The following ZIC1 variants were observed in gnomAD, a reference collection of about 807,000 sequenced individuals.
ZIC1 encodes Zic family zinc finger 1, also known as zinc finger protein ZIC 1.
Under a neutral mutation model 30.9 loss-of-function variants are expected in ZIC1, and 4 were observed. That is an observed-to-expected ratio of 0.13 (90% CI 0.06 to 0.30). ZIC1 has a LOEUF of 0.30. Ranked by LOEUF, ZIC1 falls within the 10% of genes least tolerant of loss-of-function variation. ZIC1 has a pLI of 1.00. For synonymous variants in ZIC1, 305 were observed against 277.5 expected (o/e 1.10, Z -0.98); for missense variants, 441 against 639.3 (o/e 0.69, Z 3.34).
Position 147,410,524 on chromosome 3 carries a change from G to A in ZIC1, c.412G>A (p.Ala138Thr). 6.2e-7 allele frequency: 1 copy of A among 1,608,642 alleles called. No individual in the cohort carries two copies. Among genetic ancestry groups the A allele is most frequent in the Non-Finnish European group, 8.5e-7 (1 of 1,178,942 alleles). Residue 138 changes from alanine (A) to threonine (T), a missense_variant, in exon 1 of 3, where the codon GCG becomes ACG. Around this residue, in one of 5 missense-constraint regions of ZIC1, gnomAD observed 307 missense variants for 355.3 expected, o/e 0.86. Transcript: ENST00000282928. ...FGGPHGHTDAAGHLLFPGLHE... is the reference protein window; with the variant it reads ...FGGPHGHTDATGHLLFPGLHE... The stretch of plus-strand genomic sequence containing the variant: ...GGGCCCACACGGCCACACGGACGCC[G>A]CGGGCCACCTCCTCTTCCCCGGGCT...
Position 147,410,051 on chromosome 3 carries a change from C to T in ZIC1, c.-62C>T. On this transcript the variant is annotated 5_prime_UTR_variant, in exon 1 of 3. Coordinates refer to ENST00000282928, the MANE Select transcript of ZIC1 (RefSeq NM_003412.4). The stretch of plus-strand genomic sequence containing the variant: ...GTTCCTCCTCCTCCTCCCGATTTTC[C>T]CTCCTCGGCTGGCGAGGGTGGGGGG... 7.1e-7 allele frequency: 1 copy of T among 1,417,980 alleles called. No homozygotes were observed. Among genetic ancestry groups the T allele is most frequent in the South Asian group, 1.5e-5 (1 of 66,260 alleles). 87.8% of individuals were successfully genotyped at this position (1,417,980 alleles called of 1,614,324 possible).
At position 147,409,820 on chromosome 3, in the gene ZIC1, G is replaced by A. The variant is rs1401603849; in HGVS notation, c.-293G>A. 3 of 442,656 alleles carry A rather than the reference G, an allele frequency of 6.8e-6. No individual in the cohort carries two copies. Among genetic ancestry groups the A allele is most frequent in the Non-Finnish European group, 1.2e-5 (3 of 251,142 alleles). The allele number at this position is 442,656 out of a possible 1,614,324, so 27.4% of individuals were successfully genotyped here. ...GCGGCCCTCTCGGCAGAGACTGAGC[G>A]GCGAGAAAGTGCGAGCCGGGCCGGC... is the stretch of plus-strand genomic sequence containing the variant. On this transcript the variant is annotated 5_prime_UTR_variant, in exon 1 of 3. Coordinates refer to ENST00000282928, the MANE Select transcript of ZIC1 (RefSeq NM_003412.4).
rs759359482 is a variant in ZIC1 at position 147,410,237 on chromosome 3, A to G, written c.125A>G (p.Asp42Gly). The change falls in exon 1 of 3, where the codon GAC (aspartate) becomes GGC (glycine). Residue 42 changes from aspartate to glycine, a missense_variant. Physicochemically the swap from Asp to Gly is moderately conservative, Grantham distance 94. Coordinates refer to ENST00000282928, the MANE Select transcript of ZIC1 (RefSeq NM_003412.4). ...DVGLGINPFA[D>G]GMGAFKLNPS... Reference sequence around the variant, plus strand: ...GGCCTGGGCATCAACCCGTTCGCCGACGGCATGGGCGCCTTCAAGCTCAAC... The same window carrying G: ...GGCCTGGGCATCAACCCGTTCGCCGGCGGCATGGGCGCCTTCAAGCTCAAC... The G allele has an allele frequency of 6.2e-7, 1 of 1,601,418 alleles. No individual in the cohort carries two copies. Among genetic ancestry groups the G allele is most frequent in the Middle Eastern group, 1.6e-4 (1 of 6,062 alleles).
Position 147,412,667 on chromosome 3 carries a change from C to T in ZIC1, c.1132C>T (p.Arg378Cys). Residue 378 changes from arginine to cysteine, a missense_variant, in exon 2 of 3, where the codon CGC (arginine) becomes TGC (cysteine). Arg to Cys is a radical substitution (Grantham distance 180). Coordinates refer to ENST00000282928, the MANE Select transcript of ZIC1 (RefSeq NM_003412.4). ...GTCCTACACGCATCCCAGTTCGCTG[C>T]GCAAACACATGAAGGTAATCGCCGC... ...DKSYTHPSSLRKHMKVHESSS... is the reference protein window; with the variant it reads ...DKSYTHPSSLCKHMKVHESSS... The T allele has an allele frequency of 6.2e-7, 1 of 1,613,176 alleles. No individual in the cohort carries two copies. Among genetic ancestry groups the T allele is most frequent in the Non-Finnish European group, 8.5e-7 (1 of 1,179,364 alleles).
rs960045525 is a variant in ZIC1 at position 147,409,596 on chromosome 3, C to A, written c.-517C>A. On this transcript the variant is annotated 5_prime_UTR_variant, in exon 1 of 3. Transcript: ENST00000282928. ...GAGAGTGAAGGAGCGAGGAGGCGAG[C>A]GTGAGAGAAAGGAGAGAGAGAGAAA... 7.0e-6 allele frequency: 1 copy of A among 143,242 alleles called. No homozygotes were observed. Among genetic ancestry groups the A allele is most frequent in the African/African-American group, 2.7e-5 (1 of 37,420 alleles). The allele number at this position is 143,242 out of a possible 1,614,324, so 8.9% of individuals were successfully genotyped here.
In ZIC1 at chr3:147,409,989, CCCTCCTCCTCTTCTTCCTCCTCTT is replaced by C; in HGVS notation, c.-111_-88del. ...TTCGCGAGGTGGGTCGACTCCCCCT[CCCTCCTCCTCTTCTTCCTCCTCTT>C]CCTCCTCCTCTTGTTCCTCCTCCTC... On this transcript the variant is annotated 5_prime_UTR_variant, in exon 1 of 3. Transcript: ENST00000282928. 9.2e-7 allele frequency: 1 copy of C among 1,091,874 alleles called. No homozygotes were observed. Among genetic ancestry groups the C allele is most frequent in the Non-Finnish European group, 1.2e-6 (1 of 802,802 alleles). 67.6% of individuals were successfully genotyped at this position (1,091,874 alleles called of 1,614,324 possible).
chr3:147,412,458 T>TG, intron 1 of ZIC1, 60 bp from the exon 2 acceptor site: 2 of 1,593,212 alleles, frequency 1.3e-6, no homozygotes, highest in South Asian at 2.3e-5. Flanking sequence ...GTTTAGTTTT[T>TG]GAAAAACGGC....
intron 2 of ZIC1, 83 bp downstream of exon 2, chr3:147,412,764 A>C: frequency 6.5e-6 from 10 of 1,532,468 alleles, no homozygotes; most frequent in Non-Finnish European, 8.9e-6. Flanking sequence ...AGTGGCAGAC[A>C]GGCGGTGGCG....
chr3:147,410,248 G>T lies in ZIC1; in HGVS notation c.136G>T (p.Ala46Ser), dbSNP rs1433532217. ...GINPFADGMG[A>S]FKLNPSSHEL... is the part of the protein sequence containing the mutation. ...CAACCCGTTCGCCGACGGCATGGGC[G>T]CCTTCAAGCTCAACCCCAGTTCGCA... is the stretch of plus-strand genomic sequence containing the variant. Residue 46 changes from alanine (A) to serine (S), a missense_variant, in exon 1 of 3, where the codon GCC (alanine) becomes TCC (serine). By Grantham distance (99) the Ala-to-Ser change is moderately conservative (BLOSUM62 1). Transcript: ENST00000282928. The T allele has an allele frequency of 3.1e-6, 5 of 1,601,006 alleles. No individual in the cohort carries two copies. Among genetic ancestry groups the T allele is most frequent in the Non-Finnish European group, 2.5e-6 (3 of 1,179,690 alleles).
At position 147,410,070 on chromosome 3, in the gene ZIC1, T is replaced by TG. The variant is rs746107511; in HGVS notation, c.-35dup. 636 of 833,396 alleles carry TG rather than the reference T, an allele frequency of 7.6e-4. No homozygotes were observed. The highest frequency in any genetic ancestry group is 1.1e-3 in the African/African-American group (20 of 17,684). The allele number at this position is 833,396 out of a possible 1,614,324, so 51.6% of individuals were successfully genotyped here. On this transcript the variant is annotated 5_prime_UTR_variant, in exon 1 of 3. Transcript: ENST00000282928. ...ATTTTCCCTCCTCGGCTGGCGAGGG[T>TG]GGGGGGGGCGGGGGAGGCCGGGGCT...
Position 147,410,070 on chromosome 3 carries a change from T to TGGG in ZIC1, c.-37_-35dup. ...ATTTTCCCTCCTCGGCTGGCGAGGG[T>TGGG]GGGGGGGGCGGGGGAGGCCGGGGCT... On this transcript the variant is annotated 5_prime_UTR_variant, in exon 1 of 3. Coordinates refer to ENST00000282928, the MANE Select transcript of ZIC1 (RefSeq NM_003412.4). The TGGG allele has an allele frequency of 1.2e-6, 1 of 836,574 alleles. No homozygotes were observed. Among genetic ancestry groups the TGGG allele is most frequent in the African/African-American group, 5.7e-5 (1 of 17,694 alleles). The allele number at this position is 836,574 out of a possible 1,614,324, so 51.8% of individuals were successfully genotyped here. A position where few individuals can be genotyped will look rare whatever the true frequency, so the allele number is the denominator to read the frequency against.
In ZIC1 at chr3:147,410,209, G is replaced by C; in HGVS notation, c.97G>C (p.Val33Leu). 1 of 1,601,614 alleles carries C rather than the reference G, an allele frequency of 6.2e-7. No individual in the cohort carries two copies. The highest frequency in any genetic ancestry group is 8.5e-7 in the Non-Finnish European group (1 of 1,179,584). ...CGCGGGCGACGTGGCCGAACGAGACGTGGGCCTGGGCATCAACCCGTTCGC... is the reference window on the plus strand; with the variant it reads ...CGCGGGCGACGTGGCCGAACGAGACCTGGGCCTGGGCATCAACCCGTTCGC... ...HSAGDVAERDVGLGINPFADG... is the reference protein window; with the variant it reads ...HSAGDVAERDLGLGINPFADG... The change falls in exon 1 of 3, where the codon GTG becomes CTG. Residue 33 changes from valine to leucine, a missense_variant. By Grantham distance (32) the Val-to-Leu change is conservative. Around this residue, in one of 5 missense-constraint regions of ZIC1, gnomAD observed 307 missense variants for 355.3 expected, o/e 0.86. Coordinates refer to ENST00000282928, the MANE Select transcript of ZIC1 (RefSeq NM_003412.4).
rs2087370807 is a variant in ZIC1 at position 147,411,102 on chromosome 3, A to G, written c.982+8A>G. ...ACAAAAGGACGCACACAGGTACGGA[A>G]ACAGCTGTAGGACCCCTACCCATTC... On this transcript the variant is annotated splice_region_variant and intron_variant, in intron 1 of 2. Coordinates refer to ENST00000282928, the MANE Select transcript of ZIC1 (RefSeq NM_003412.4). 6.2e-7 allele frequency: 1 copy of G among 1,608,174 alleles called. No individual in the cohort carries two copies. The highest frequency in any genetic ancestry group is 8.5e-7 in the Non-Finnish European group (1 of 1,176,984).
At position 147,415,824 on chromosome 3, in the gene ZIC1, T is replaced by C. The variant is rs947118559; in HGVS notation, c.*2273T>C. The C allele has an allele frequency of 6.6e-6, 1 of 152,268 alleles. No homozygotes were observed. The highest frequency in any genetic ancestry group is 1.5e-5 in the Non-Finnish European group (1 of 68,046). The allele number at this position is 152,268 out of a possible 1,614,324, so 9.4% of individuals were successfully genotyped here. ...ACAAGATAAAAATGTTCAATTTCTT[T>C]AAGAATCCTTTGTTGACTTGTCTTT... On this transcript the variant is annotated 3_prime_UTR_variant, in exon 3 of 3. Transcript: ENST00000282928.
At position 147,409,911 on chromosome 3, in the gene ZIC1, G is replaced by T; in HGVS notation, c.-202G>T. 3 of 565,558 alleles carry T rather than the reference G, an allele frequency of 5.3e-6. No individual in the cohort carries two copies. Among genetic ancestry groups the T allele is most frequent in the South Asian group, 2.8e-5 (1 of 35,850 alleles). 35.0% of individuals were successfully genotyped at this position (565,558 alleles called of 1,614,324 possible). A position where few individuals can be genotyped will look rare whatever the true frequency, so the allele number is the denominator to read the frequency against. On this transcript the variant is annotated 5_prime_UTR_variant, in exon 1 of 3. Transcript: ENST00000282928. ...GCCCGCAGCCGTCCGGCTACTTTGC[G>T]TTTGGCCCGGCCAGCGCCCGGGCGC...
At chr3:147,412,856 T>A (rs535990353) in intron 2 of ZIC1, among the ~76,000 whole-genome samples, 175 bp downstream of exon 2, 1 of 152,250 alleles carries the variant, frequency 6.6e-6, no homozygotes, top group East Asian at 1.9e-4. Flanking sequence ...GAAAAGGGGA[T>A]GGGAGTGTCC....
chr3:147,409,962 A>C lies in ZIC1; in HGVS notation c.-151A>C. 2 of 851,058 alleles carry C rather than the reference A, an allele frequency of 2.4e-6. No homozygotes were observed. The highest frequency in any genetic ancestry group is 3.4e-6 in the Non-Finnish European group (2 of 586,802). The allele number at this position is 851,058 out of a possible 1,614,324, so 52.7% of individuals were successfully genotyped here. On this transcript the variant is annotated 5_prime_UTR_variant, in exon 1 of 3. Transcript: ENST00000282928. ...GCCGCGCCATTGCCTGCAGGCTAGG[A>C]CTTCGCGAGGTGGGTCGACTCCCCC...
At position 147,414,084 on chromosome 3, in the gene ZIC1, T is replaced by G. The variant is rs1354224363; in HGVS notation, c.*533T>G. ...GAGGGGTGGGCGGCCGAAAGCCAAC[T>G]GTTTGTACTGAATGGCAAGAATGTT... On this transcript the variant is annotated 3_prime_UTR_variant, in exon 3 of 3. Transcript: ENST00000282928. 1 of 151,522 alleles carries G rather than the reference T, an allele frequency of 6.6e-6. No homozygotes were observed. The highest frequency in any genetic ancestry group is 2.4e-5 in the African/African-American group (1 of 41,170). The allele number at this position is 151,522 out of a possible 1,614,324, so 9.4% of individuals were successfully genotyped here. A position where few individuals can be genotyped will look rare whatever the true frequency, so the allele number is the denominator to read the frequency against.
In ZIC1 at chr3:147,409,856, T is replaced by G; in HGVS notation, c.-257T>G. ...GCGAGCCGGGCCGGCAGAATCTGCC[T>G]GGCGGGCGCTGGAGCCTGCGTTACT... On this transcript the variant is annotated 5_prime_UTR_variant, in exon 1 of 3. Coordinates refer to ENST00000282928, the MANE Select transcript of ZIC1 (RefSeq NM_003412.4). The G allele has an allele frequency of 2.1e-6, 1 of 483,114 alleles. No individual in the cohort carries two copies. The highest frequency in any genetic ancestry group is 3.6e-6 in the Non-Finnish European group (1 of 277,046). 29.9% of individuals were successfully genotyped at this position (483,114 alleles called of 1,614,324 possible). A position where few individuals can be genotyped will look rare whatever the true frequency, so the allele number is the denominator to read the frequency against.
Sources: allele counts gnomAD v4.1 joint callset (sites outside exome capture counted in the v4.1 genomes callset), GRCh38; gene constraint gnomAD v4.1.1; regional missense constraint gnomAD v4.1.1; transcripts MANE v1.5; gene names NCBI Gene and HGNC (gene_info 2026-07-23, HGNC 2026-07-21).